SHANK2: variants seen among roughly 807,000 people sequenced by gnomAD.
SHANK2 encodes SH3 and multiple ankyrin repeat domains 2.
SHANK2 carries 43 observed loss-of-function variants against 133.7 expected under a neutral mutation model. The ratio of observed to expected loss-of-function variants is 0.32; its 90% CI spans 0.25 to 0.41. The LOEUF (loss-of-function observed/expected upper bound fraction) is 0.41, where lower values mean the gene tolerates loss of function less well. SHANK2 is among the 10% of genes least tolerant of loss of function. The probability of loss-of-function intolerance (pLI) is 1.00; values close to 1 mark genes in which losing one functional copy is unlikely to be tolerated. For synonymous variants in SHANK2, 1,017 were observed against 952.8 expected, an observed-to-expected ratio of 1.07 and a Z score of -1.24; for missense variants, 1,994 against 2,235.8, an observed-to-expected ratio of 0.89 and a Z score of 2.18.
intron 14 of SHANK2, among the ~76,000 whole-genome samples, chr11:70,713,621 G>C (rs566544170): frequency 2.6e-5 from 4 of 152,330 alleles, no homozygotes; most frequent in South Asian, 4.1e-4. Flanking sequence ...CCAAGAGTCT[G>C]AGGAAGAGAA....
At chr11:70,614,730 G>A (rs547467774) in intron 17 of SHANK2, among the ~76,000 whole-genome samples, 31 of 152,238 alleles carry the variant, frequency 2.0e-4, no homozygotes, top group Non-Finnish European at 3.1e-4. Context: ...GTCTGTTGCT[G>A]TGAGAGCAAG....
intron 10 of SHANK2, among the ~76,000 whole-genome samples, chr11:70,914,668 TAAATAAAATAAAATAAAATAAAATA>T (rs370532876): frequency 4.9e-4 from 53 of 107,284 alleles, no homozygotes; most frequent in African/African-American, 1.9e-3. Flanking sequence ...ACAAAAAAAA[TAAATAAAATAAAATAAAATAAAATA>T]AAATAAAATA....
At chr11:70,762,432 G>A (rs572707686) in intron 14 of SHANK2, among the ~76,000 whole-genome samples, 17 of 152,224 alleles carry the variant, frequency 1.1e-4, no homozygotes, top group Non-Finnish European at 2.2e-4. Flanking sequence ...TGGTGGGGGC[G>A]CCTCTTTTGA....
At chr11:70,686,203 TATCCATCC>T (rs781907518) in intron 15 of SHANK2, among the ~76,000 whole-genome samples, 69 of 101,732 alleles carry the variant, frequency 6.8e-4, no homozygotes, top group African/African-American at 2.7e-3. Context: ...CCCATCCATC[TATCCATCC>T]ATCCATCCAT....
intron 21 of SHANK2, among the ~76,000 whole-genome samples, chr11:70,498,332 C>T (rs962175858): frequency 1.3e-5 from 2 of 152,234 alleles, no homozygotes; most frequent in African/African-American, 4.8e-5. Context: ...GCCAGTTGGC[C>T]GGCCTCTTGG....
intron 1 of SHANK2, among the ~76,000 whole-genome samples, chr11:71,243,063 G>A (rs1433279422): frequency 6.6e-6 from 1 of 152,146 alleles, no homozygotes; most frequent in African/African-American, 2.4e-5. Flanking sequence ...TACAACTAAA[G>A]CAGTACTTAA....
chr11:70,933,221 G>A (rs1555082825), intron 10 of SHANK2: 2 of 456,530 alleles, frequency 4.4e-6, no homozygotes, highest in South Asian at 1.5e-5. Flanking sequence ...GCTACAACAT[G>A]GAGGAACCTT....
intron 3 of SHANK2, among the ~76,000 whole-genome samples, chr11:71,137,242 T>A (rs1317230591): frequency 7.7e-6 from 1 of 129,376 alleles, no homozygotes; most frequent in Non-Finnish European, 1.6e-5. Flanking sequence ...AAAAGAAAGT[T>A]TTAGTCTTTT....
chr11:70,545,203 G>T (rs981705823), intron 17 of SHANK2, among the ~76,000 whole-genome samples: 2 of 152,242 alleles, frequency 1.3e-5, no homozygotes, highest in African/African-American at 4.8e-5. Context: ...CCCTGGGCTC[G>T]CGCTGTCTGA....
chr11:70,491,004 C>T lies in SHANK2; in HGVS notation c.2440-617G>A, dbSNP rs533411170. On this transcript the variant is annotated intron_variant, in intron 22 of 25. Transcript: ENST00000601538. ...GCAGCAGTGAGCTGTCCCCAGCTTC[C>T]TCCCTCTTCAGCCTGTCCCAGGAGG... Among the ~76,000 whole-genome samples, 5 of 152,326 alleles carry T rather than the reference C, an allele frequency of 3.3e-5. No homozygotes were observed. In the South Asian group the frequency reaches 1.0e-3, roughly 32 times the overall value.
chr11:70,525,711 G>A (rs1324291035), intron 17 of SHANK2, among the ~76,000 whole-genome samples: 1 of 151,936 alleles, frequency 6.6e-6, no homozygotes, highest in Non-Finnish European at 1.5e-5. Context: ...GTCCTGGATG[G>A]GACCAAGCCA....
At chr11:71,154,027 T>TTAAAA (rs10644960) in intron 2 of SHANK2, among the ~76,000 whole-genome samples, 2 of 151,560 alleles carry the variant, frequency 1.3e-5, no homozygotes, top group African/African-American at 4.8e-5. Context: ...GAACTCTGAT[T>TTAAAA]TACTTTTTCA....
At chr11:70,637,450 C>CT (rs1320055395) in intron 17 of SHANK2, among the ~76,000 whole-genome samples, 11 of 152,202 alleles carry the variant, frequency 7.2e-5, no homozygotes, top group Admixed American at 7.2e-4. Context: ...CCCTCCTGGC[C>CT]GGGCCACGGC....
intron 10 of SHANK2, among the ~76,000 whole-genome samples, chr11:70,901,998 G>A (rs1950029550): frequency 6.6e-6 from 1 of 152,170 alleles, no homozygotes; most frequent in Non-Finnish European, 1.5e-5. Context: ...GAGGCATCTG[G>A]GGACAGACCA....
At chr11:70,881,195 G>A (rs951908608) in intron 11 of SHANK2, among the ~76,000 whole-genome samples, 6 of 152,022 alleles carry the variant, frequency 3.9e-5, no homozygotes, top group South Asian at 4.1e-4. Context: ...GCACCACCAC[G>A]CTTGGCTAAT....
At chr11:71,198,216 T>TG (rs1294186142) in intron 2 of SHANK2, among the ~76,000 whole-genome samples, 1 of 152,208 alleles carries the variant, frequency 6.6e-6, no homozygotes, top group Non-Finnish European at 1.5e-5. Context: ...TCCAAAGTGC[T>TG]GGGACTGCAG....
At chr11:70,788,787 C>T (rs1189573465) in intron 14 of SHANK2, among the ~76,000 whole-genome samples, 1 of 152,180 alleles carries the variant, frequency 6.6e-6, no homozygotes, top group African/African-American at 2.4e-5. Flanking sequence ...GACGAGGCCA[C>T]ACAGGGTGTC....
chr11:71,134,083 T>G lies in SHANK2; in HGVS notation c.207+13037A>C, dbSNP rs1487853026. Among the ~76,000 whole-genome samples, 5 of 146,582 alleles carry G rather than the reference T, an allele frequency of 3.4e-5. 1 individual carries two copies. The South Asian group carries it at 1.2e-3, about 34-fold the overall frequency. ...TACCTTTCTCGGTGGACTGGGTGAC[T>G]TGACAGTGCAGAAAGCTCCTCCGTG... On this transcript the variant is annotated intron_variant, in intron 3 of 25. Transcript: ENST00000601538.
chr11:70,701,312 A>G (rs1555023583), intron 14 of SHANK2, among the ~76,000 whole-genome samples: 1 of 152,224 alleles, frequency 6.6e-6, no homozygotes, highest in East Asian at 1.9e-4. Context: ...GGTGTAGACT[A>G]ACATAACATT....
Sources: allele counts gnomAD v4.1 joint callset (sites outside exome capture counted in the v4.1 genomes callset), GRCh38; gene constraint gnomAD v4.1.1; transcripts MANE v1.5; gene names NCBI Gene and HGNC (gene_info 2026-07-23, HGNC 2026-07-21).